The following DAB1 variants were observed in gnomAD, a reference collection of about 807,000 sequenced individuals.
The protein encoded by DAB1 is disabled homolog 1.
Under a neutral mutation model 64.6 loss-of-function variants are expected in DAB1, and 15 were observed. The observed-to-expected ratio is 0.23, with a 90% CI of 0.16 to 0.36. The LOEUF is 0.36. Among genes scored for constraint, DAB1 ranks in the 10% least tolerant of loss-of-function variants. The probability of loss-of-function intolerance (pLI) is 1.00; values close to 1 mark genes in which losing one functional copy is unlikely to be tolerated. For missense variants in DAB1, 596 were observed against 706.7 expected, an observed-to-expected ratio of 0.84 and a Z score of 1.78; for synonymous variants, 235 against 251.9, an observed-to-expected ratio of 0.93 and a Z score of 0.64.
intron 1 of DAB1, among the ~76,000 whole-genome samples, chr1:57,848,804 G>A (rs566119970): frequency 6.6e-6 from 1 of 152,272 alleles, no homozygotes; most frequent in Non-Finnish European, 1.5e-5. Flanking sequence ...CAGGAGGGTG[G>A]TAGGTGAGTG....
chr1:58,205,173 G>A, intron 4 of DAB1, among the ~76,000 whole-genome samples: 1 of 152,142 alleles, frequency 6.6e-6, no homozygotes, highest in East Asian at 1.9e-4. Context: ...CTAGAATTCT[G>A]AATTCACAGC....
At chr1:58,335,893 T>C (rs1023409148) in intron 4 of DAB1, among the ~76,000 whole-genome samples, 2 of 152,208 alleles carry the variant, frequency 1.3e-5, no homozygotes, top group Admixed American at 6.5e-5. Flanking sequence ...TCAAGGGTTC[T>C]GTTTTGGCTG....
chr1:57,403,265 C>G (rs991471131), intron 1 of DAB1, among the ~76,000 whole-genome samples: 2 of 152,190 alleles, frequency 1.3e-5, no homozygotes, highest in African/African-American at 4.8e-5. Context: ...AGCCCTATCT[C>G]CTGCTAGGGT....
intron 7 of DAB1, among the ~76,000 whole-genome samples, chr1:57,555,238 T>C (rs1570622480): frequency 1.3e-5 from 2 of 152,056 alleles, no homozygotes; most frequent in African/African-American, 4.8e-5. Flanking sequence ...TTTCACCATG[T>C]TGGCCAGGAT....
chr1:57,027,108 T>G (rs1646813899), intron 9 of DAB1, among the ~76,000 whole-genome samples: 1 of 152,126 alleles, frequency 6.6e-6, no homozygotes, highest in Non-Finnish European at 1.5e-5. Flanking sequence ...TCTAACCAGG[T>G]CATGGCTGGA....
intron 6 of DAB1, among the ~76,000 whole-genome samples, chr1:57,698,267 T>C (rs908428269): frequency 6.6e-6 from 1 of 151,384 alleles, no homozygotes; most frequent in Non-Finnish European, 1.5e-5. Context: ...TAAACATTTT[T>C]TTTTTTTTTT....
intron 7 of DAB1, among the ~76,000 whole-genome samples, chr1:57,624,200 T>C (rs777683971): frequency 6.6e-6 from 1 of 152,266 alleles, no homozygotes; most frequent in Non-Finnish European, 1.5e-5. Flanking sequence ...TCCTTTCATC[T>C]TTTCAGGCTA....
intron 3 of DAB1, among the ~76,000 whole-genome samples, chr1:58,421,246 C>A (rs920314763): frequency 6.6e-6 from 1 of 152,132 alleles, no homozygotes; most frequent in South Asian, 2.1e-4. Flanking sequence ...GGGACAGGCA[C>A]GAGCAACATG....
At chr1:57,513,836 C>T (rs1024462545) in intron 7 of DAB1, among the ~76,000 whole-genome samples, 3 of 152,152 alleles carry the variant, frequency 2.0e-5, no homozygotes, top group Non-Finnish European at 4.4e-5. Context: ...AATATCTCTC[C>T]AACACTCTCT....
chr1:58,401,290 C>A (rs1485465176), intron 3 of DAB1, among the ~76,000 whole-genome samples: 1 of 152,222 alleles, frequency 6.6e-6, no homozygotes, highest in African/African-American at 2.4e-5. Flanking sequence ...TGCTCCCACT[C>A]TGTTCAGTCC....
chr1:58,215,887 T>C (rs774764616), intron 4 of DAB1, among the ~76,000 whole-genome samples: 4 of 152,048 alleles, frequency 2.6e-5, no homozygotes, highest in Non-Finnish European at 4.4e-5. Flanking sequence ...AGAATGCAGT[T>C]TTAGAATTTA....
intron 4 of DAB1, among the ~76,000 whole-genome samples, chr1:58,277,238 C>T (rs1661471857): frequency 6.6e-6 from 1 of 151,858 alleles, no homozygotes; most frequent in South Asian, 2.1e-4. Context: ...CGGGGTTTCA[C>T]CATGTTGGCC....
At chr1:57,936,715 T>C (rs1380543661) in intron 5 of DAB1, among the ~76,000 whole-genome samples, 1 of 152,112 alleles carries the variant, frequency 6.6e-6, no homozygotes, top group Non-Finnish European at 1.5e-5. Context: ...AGATGGAGTC[T>C]CGCACTGTTG....
At chr1:57,919,439 T>C (rs1414661814) in intron 5 of DAB1, among the ~76,000 whole-genome samples, 4 of 152,170 alleles carry the variant, frequency 2.6e-5, no homozygotes, top group Admixed American at 6.5e-5. Flanking sequence ...TTGTGAAACA[T>C]GTGAAAGGCA....
chr1:58,183,686 A>G (rs1656917134), intron 4 of DAB1, among the ~76,000 whole-genome samples: 1 of 151,632 alleles, frequency 6.6e-6, no homozygotes, highest in African/African-American at 2.4e-5. Context: ...GATATTTTAG[A>G]TGACGTATTA....
intron 2 of DAB1, among the ~76,000 whole-genome samples, chr1:57,236,089 A>C (rs1375368387): frequency 2.0e-5 from 3 of 152,220 alleles, no homozygotes; most frequent in African/African-American, 7.2e-5. Flanking sequence ...AGAGTTTTAC[A>C]GAAAGAAGAC....
At chr1:57,314,808 A>G (rs1675055478) in intron 1 of DAB1, among the ~76,000 whole-genome samples, 1 of 151,868 alleles carries the variant, frequency 6.6e-6, no homozygotes, top group Non-Finnish European at 1.5e-5. Flanking sequence ...GAACAGATGG[A>G]AAAAAAGGAC....
chr1:57,100,285 C>T (rs1266291912), intron 4 of DAB1, among the ~76,000 whole-genome samples: 2 of 152,130 alleles, frequency 1.3e-5, no homozygotes, highest in East Asian at 1.9e-4. Context: ...ATGGTAAAGG[C>T]TATACTGTTG....
At chr1:58,121,781 T>G (rs1319439378) in intron 5 of DAB1, among the ~76,000 whole-genome samples, 1 of 152,200 alleles carries the variant, frequency 6.6e-6, no homozygotes, top group Admixed American at 6.5e-5. Context: ...ATACCAAGCA[T>G]GGAATGTACA....
Sources: gnomAD v4.1 joint callset for allele counts (sites outside exome capture counted in the v4.1 genomes callset) on GRCh38, gnomAD v4.1.1 for gene constraint, MANE v1.5 for transcripts, NCBI Gene and HGNC (gene_info 2026-07-23, HGNC 2026-07-21) for gene names.